Variants in PADI2 observed in about 807,000 individuals in gnomAD.
PADI2 encodes protein-arginine deiminase type-2.
Under a neutral mutation model 81.1 loss-of-function variants are expected in PADI2, and 70 were observed. The observed-to-expected ratio is 0.86, with a 90% confidence interval of 0.71 to 1.05. The LOEUF (loss-of-function observed/expected upper bound fraction) is 1.05. Among genes scored for constraint, PADI2 ranks in the 50% least tolerant of loss-of-function variants. The probability of loss-of-function intolerance (pLI) is 0.00; values close to 1 mark genes in which losing one functional copy is unlikely to be tolerated. For missense variants in PADI2, 853 were observed against 889.9 expected, an observed-to-expected ratio of 0.96 and a Z score of 0.53; for synonymous variants, 338 against 358.0, an observed-to-expected ratio of 0.94 and a Z score of 0.63.
At chr1:17,080,434 C>T (rs1165901634) in intron 10 of PADI2, among the ~76,000 whole-genome samples, 1 of 152,178 alleles carries the variant, frequency 6.6e-6, no homozygotes, top group Non-Finnish European at 1.5e-5. Context: ...GCTCTGGCAC[C>T]TTGAGCGCTA....
At chr1:17,104,017 T>C (rs1931246695) in intron 2 of PADI2, among the ~76,000 whole-genome samples, 1 of 150,494 alleles carries the variant, frequency 6.6e-6, no homozygotes, top group Non-Finnish European at 1.5e-5. Context: ...CCGCGGTGGC[T>C]CACGCCTGTA....
At chr1:17,105,215 AC>A (rs1179471858) in intron 1 of PADI2, among the ~76,000 whole-genome samples, 154 bp from the exon 2 acceptor site, 4 of 152,006 alleles carry the variant, frequency 2.6e-5, no homozygotes, top group Admixed American at 6.5e-5. Context: ...CAACAGTGAG[AC>A]CTTGTCTTTA....
chr1:17,101,713 C>T (rs1320236487), intron 3 of PADI2, among the ~76,000 whole-genome samples: 1 of 152,124 alleles, frequency 6.6e-6, no homozygotes, highest in Non-Finnish European at 1.5e-5. Flanking sequence ...AAGGGGCTGG[C>T]TCGGGAGTTA....
intron 1 of PADI2, among the ~76,000 whole-genome samples, chr1:17,117,126 A>G (rs1376072038): frequency 1.3e-5 from 2 of 152,212 alleles, no homozygotes; most frequent in Non-Finnish European, 2.9e-5. Context: ...TGCGAGATTG[A>G]GAAACTCTGC....
intron 1 of PADI2, among the ~76,000 whole-genome samples, chr1:17,108,137 T>TG (rs1252814173): frequency 6.6e-6 from 1 of 151,982 alleles, no homozygotes; most frequent in African/African-American, 2.4e-5. Context: ...TTAGTAGAGT[T>TG]GGGGTTTCAC....
chr1:17,118,975 TC>T (rs1412462950), intron 1 of PADI2, among the ~76,000 whole-genome samples: 2 of 150,228 alleles, frequency 1.3e-5, no homozygotes, highest in Non-Finnish European at 3.0e-5. Flanking sequence ...GGGTGTGAGG[TC>T]CCCCGGGAGG....
chr1:17,079,882 C>T (rs2078331924), intron 10 of PADI2, among the ~76,000 whole-genome samples: 1 of 151,562 alleles, frequency 6.6e-6, no homozygotes, highest in Non-Finnish European at 1.5e-5. Flanking sequence ...GCAACCTGTG[C>T]CTCTTGGTTC....
At chr1:17,100,131 G>A (rs1220348431) in intron 3 of PADI2, among the ~76,000 whole-genome samples, 1 of 152,150 alleles carries the variant, frequency 6.6e-6, no homozygotes, top group Non-Finnish European at 1.5e-5. Flanking sequence ...GCAGATGCTC[G>A]AGAAAAGAGA....
chr1:17,107,208 G>C (rs1473757809), intron 1 of PADI2, among the ~76,000 whole-genome samples: 2 of 152,164 alleles, frequency 1.3e-5, no homozygotes, highest in Non-Finnish European at 2.9e-5. Flanking sequence ...TGCTATTTTG[G>C]GGGCCTGGTG....
intron 11 of PADI2, among the ~76,000 whole-genome samples, chr1:17,078,637 C>A (rs2078322109): frequency 6.6e-6 from 1 of 152,196 alleles, no homozygotes; most frequent in African/African-American, 2.4e-5. Flanking sequence ...ATCTGCTTGC[C>A]TCGGCCTCCC....
intron 6 of PADI2, among the ~76,000 whole-genome samples, 166 bp downstream of exon 6, chr1:17,092,242 A>G (rs889136054): frequency 2.0e-5 from 3 of 152,010 alleles, no homozygotes; most frequent in African/African-American, 7.2e-5. Context: ...ATGTGTCCCC[A>G]TGGAGTCTTT....
At chr1:17,092,948 CAAA>C (rs1175202023) in intron 5 of PADI2, among the ~76,000 whole-genome samples, 5 of 60,100 alleles carry the variant, frequency 8.3e-5, no homozygotes, top group Admixed American at 1.7e-4. Context: ...GGCCTTGTCT[CAAA>C]AAAAAAAAAA....
chr1:17,074,409 A>AAAG (rs1264824325), intron 13 of PADI2, among the ~76,000 whole-genome samples: 1 of 149,726 alleles, frequency 6.7e-6, no homozygotes, highest in Admixed American at 6.6e-5. Flanking sequence ...AAAAAAAAAA[A>AAAG]GTATTATAAA....
At chr1:17,103,911 T>C (rs1251564987) in intron 2 of PADI2, among the ~76,000 whole-genome samples, 2 of 150,334 alleles carry the variant, frequency 1.3e-5, no homozygotes, top group Non-Finnish European at 3.0e-5. Flanking sequence ...TTGAACCCAG[T>C]AGCTTGAGGT....
intron 3 of PADI2, among the ~76,000 whole-genome samples, chr1:17,101,797 C>A (rs1469932602): frequency 6.6e-6 from 1 of 152,164 alleles, no homozygotes; most frequent in Non-Finnish European, 1.5e-5. Flanking sequence ...TCTCACCAAC[C>A]ATTTTCTGGA....
At chr1:17,084,755 C>T (rs2078373164) in intron 7 of PADI2, 53 bp from the exon 8 acceptor site, 7 of 1,081,488 alleles carry the variant, frequency 6.5e-6, no homozygotes, top group Non-Finnish European at 9.6e-6. Flanking sequence ...CAGGTGCTTT[C>T]TTTGCCTGCC....
intron 11 of PADI2, among the ~76,000 whole-genome samples, chr1:17,076,806 T>C (rs2078306345): frequency 6.6e-6 from 1 of 152,070 alleles, no homozygotes; most frequent in African/African-American, 2.4e-5. Flanking sequence ...CTCGATCTCT[T>C]GACTTCGTGA....
chr1:17,098,046 C>T (rs1931004050), intron 3 of PADI2, among the ~76,000 whole-genome samples: 1 of 152,160 alleles, frequency 6.6e-6, no homozygotes. Context: ...ACCCCCACCC[C>T]CTAACGATAC....
Position 17,103,010 on chromosome 1 carries a change from G to A in PADI2, c.326C>T (p.Ala109Val), listed in dbSNP as rs569640831. ...DEEGSIPIDQ[A>V]GLFLTAIEIS... ...ACCAATGGCTGTGAGGAAGAGCCCC[G>A]CCTGGTCGATGGGAATGCTCCCTTC... Residue 109 changes from alanine to valine, a missense_variant, in exon 3 of 16, where the codon GCG becomes GTG. By Grantham distance (64) the Ala-to-Val change is moderately conservative. Transcript: ENST00000375486. 13 of 1,613,290 alleles carry A rather than the reference G, an allele frequency of 8.1e-6. No individual in the cohort carries two copies. Among genetic ancestry groups the A allele is most frequent in the South Asian group, 3.3e-5 (3 of 90,894 alleles).
Sources: gnomAD v4.1 joint callset for allele counts (sites outside exome capture counted in the v4.1 genomes callset) on GRCh38, gnomAD v4.1.1 for gene constraint, MANE v1.5 for transcripts, NCBI Gene and HGNC (gene_info 2026-07-23, HGNC 2026-07-21) for gene names.